The following ZPBP variants were observed in gnomAD, a reference collection of about 807,000 sequenced individuals.
The protein encoded by ZPBP is zona pellucida-binding protein 1.
A neutral mutation model predicts 44.8 loss-of-function variants in ZPBP; 26 were observed. The ratio of observed to expected loss-of-function variants is 0.58; its 90% CI spans 0.43 to 0.81. The LOEUF is 0.81. ZPBP is among the 30% of genes least tolerant of loss of function. ZPBP has a pLI of 0.00. For missense variants in ZPBP, 409 were observed against 434.0 expected (o/e 0.94, Z 0.51); for synonymous variants, 174 against 153.2 (o/e 1.14, Z -1.00).
intron 2 of ZPBP, among the ~76,000 whole-genome samples, chr7:49,865,999 C>T (rs1399182728): frequency 6.6e-6 from 1 of 152,148 alleles, no homozygotes; most frequent in Admixed American, 6.5e-5. Flanking sequence ...TACAGCCATA[C>T]CTTGCTTTTA....
In ZPBP at chr7:49,983,352, A is replaced by C; in HGVS notation, c.951T>G (p.Pro317=). ...GMNVQQHPKC[P]ECCVICSPGS... The stretch of plus-strand genomic sequence containing the variant: ...TAATTCATTACATACCACAGCACTC[A>C]GGACATTTTGGATGTTGCTGGACAT... Residue 317 remains proline, a synonymous_variant, in exon 7 of 8, where the codon CCT becomes CCG. Transcript: ENST00000046087. 1 of 1,613,478 alleles carries C rather than the reference A, an allele frequency of 6.2e-7. No homozygotes were observed. Among genetic ancestry groups the C allele is most frequent in the Non-Finnish European group, 8.5e-7 (1 of 1,179,608 alleles).
chr7:49,883,367 C>T lies in ZPBP; in HGVS notation n.509+17751G>A, dbSNP rs866202690. ...ATAAGCTTAAATATAAAAATGGCTTCGTCTGAAATAAATGTACTAAAAAAA... is the reference window on the plus strand; with the variant it reads ...ATAAGCTTAAATATAAAAATGGCTTTGTCTGAAATAAATGTACTAAAAAAA... On this transcript the variant is annotated intron_variant and non_coding_transcript_variant, in intron 2 of 2. Transcript: ENST00000465922. 5.3e-5 allele frequency among the ~76,000 whole-genome samples: 8 copies of T among 151,872 alleles called. No individual in the cohort carries two copies. The South Asian group carries it at 1.5e-3, about 28-fold the overall frequency.
chr7:49,872,308 G>A (rs1439399826), intron 2 of ZPBP, among the ~76,000 whole-genome samples: 1 of 152,028 alleles, frequency 6.6e-6, no homozygotes, highest in Non-Finnish European at 1.5e-5. Flanking sequence ...AACATGAAAG[G>A]TCTTGGATTT....
intron 7 of ZPBP, among the ~76,000 whole-genome samples, chr7:49,981,099 T>A (rs1223906650): frequency 6.8e-6 from 1 of 147,170 alleles, no homozygotes; most frequent in East Asian, 2.0e-4. Context: ...TGCCAACTGT[T>A]AACTTTGTAA....
chr7:49,846,047 A>T (rs148760226), downstream of ZPBP, among the ~76,000 whole-genome samples: 1,446 of 152,326 alleles, frequency 9.5e-3, 25 homozygotes, highest in African/African-American at 0.032. Context: ...TGCTTTCCAA[A>T]AAGTATTTCA....
At chr7:49,943,465 T>C in intron 7 of ZPBP, 1 of 454,940 alleles carries the variant, frequency 2.2e-6, no homozygotes, top group South Asian at 1.8e-5. Context: ...CACAGACCTC[T>C]TGCCAACATT....
At chr7:49,962,816 G>C (rs1292262385) in intron 7 of ZPBP, among the ~76,000 whole-genome samples, 1 of 151,742 alleles carries the variant, frequency 6.6e-6, no homozygotes, top group African/African-American at 2.4e-5. Context: ...GAAGAAAACA[G>C]AAAAAGGTCT....
At chr7:49,953,061 A>G (rs564053554) in intron 7 of ZPBP, among the ~76,000 whole-genome samples, 1 of 152,128 alleles carries the variant, frequency 6.6e-6, no homozygotes, top group African/African-American at 2.4e-5. Flanking sequence ...TGAGCCCTAC[A>G]ATTGTGAGCC....
At chr7:50,034,629 A>G in intron 4 of ZPBP, among the ~76,000 whole-genome samples, 1 of 152,068 alleles carries the variant, frequency 6.6e-6, no homozygotes, top group East Asian at 1.9e-4. Flanking sequence ...GTGTGCCTAT[A>G]CCATATAGAA....
chr7:49,967,053 A>G (rs1796093447), intron 7 of ZPBP, among the ~76,000 whole-genome samples: 1 of 152,142 alleles, frequency 6.6e-6, no homozygotes, highest in Admixed American at 6.5e-5. Flanking sequence ...CTTCTTCAAG[A>G]AAAAGAAAAA....
At chr7:49,978,772 T>A (rs1796641443) in intron 7 of ZPBP, among the ~76,000 whole-genome samples, 3 of 152,008 alleles carry the variant, frequency 2.0e-5, no homozygotes. Context: ...AAATACAGGG[T>A]AATTTGTTAA....
intron 7 of ZPBP, among the ~76,000 whole-genome samples, chr7:49,940,390 C>A (rs1474318288): frequency 6.6e-6 from 1 of 151,892 alleles, no homozygotes; most frequent in Admixed American, 6.6e-5. Context: ...TAAAAGTAGG[C>A]ACCAAGGAGA....
At chr7:49,937,105 G>A (rs1794644277), downstream of ZPBP, among the ~76,000 whole-genome samples, 1 of 152,088 alleles carries the variant, frequency 6.6e-6, no homozygotes, top group Non-Finnish European at 1.5e-5. Context: ...ACTGTGAAAG[G>A]TGAAACTAGA....
At chr7:49,969,439 GAGA>G (rs1444312542) in intron 7 of ZPBP, among the ~76,000 whole-genome samples, 1 of 147,066 alleles carries the variant, frequency 6.8e-6, no homozygotes, top group African/African-American at 2.5e-5. Context: ...CCAATATAAA[GAGA>G]AGATTATTTC....
chr7:50,026,356 TG>T (rs1360754937), intron 5 of ZPBP, among the ~76,000 whole-genome samples: 1 of 151,874 alleles, frequency 6.6e-6, no homozygotes, highest in Non-Finnish European at 1.5e-5. Context: ...ACATCAATAC[TG>T]CACCTTCAAT....
At chr7:49,969,069 G>C (rs1796177772) in intron 7 of ZPBP, among the ~76,000 whole-genome samples, 1 of 151,234 alleles carries the variant, frequency 6.6e-6, no homozygotes, top group Non-Finnish European at 1.5e-5. Context: ...AGACCTGATG[G>C]AAAAATTACT....
chr7:49,871,192 AATAAT>A (rs1450526105), intron 2 of ZPBP, among the ~76,000 whole-genome samples: 1 of 152,164 alleles, frequency 6.6e-6, no homozygotes, highest in Non-Finnish European at 1.5e-5. Flanking sequence ...AAAAACGAAT[AATAAT>A]ATCTATTGTT....
intron 7 of ZPBP, among the ~76,000 whole-genome samples, chr7:49,980,038 TA>T (rs1416209699): frequency 2.0e-3 from 25 of 12,740 alleles, no homozygotes; most frequent in African/African-American, 3.9e-3. Flanking sequence ...TATTATATTA[TA>T]ATATATATAA....
chr7:50,040,982 C>G (rs567539750), intron 4 of ZPBP, among the ~76,000 whole-genome samples: 1 of 152,292 alleles, frequency 6.6e-6, no homozygotes, highest in South Asian at 2.1e-4. Flanking sequence ...GGAGGGGCAT[C>G]TGCCATTACT....
Sources: allele counts gnomAD v4.1 joint callset (sites outside exome capture counted in the v4.1 genomes callset), GRCh38; gene constraint gnomAD v4.1.1; transcripts MANE v1.5; gene names NCBI Gene and HGNC (gene_info 2026-07-23, HGNC 2026-07-21).